The following BNC2 variants were observed in gnomAD, a reference collection of about 807,000 sequenced individuals.
BNC2 encodes the protein zinc finger protein basonuclin-2.
BNC2 carries 20 observed loss-of-function variants against 76.3 expected under a neutral mutation model. The ratio of observed to expected loss-of-function variants is 0.26; its 90% CI spans 0.18 to 0.38. The LOEUF is 0.38. BNC2 is among the 10% of genes least tolerant of loss of function. The probability of loss-of-function intolerance (pLI) is 1.00; values close to 1 mark genes in which losing one functional copy is unlikely to be tolerated. For synonymous variants in BNC2, 582 were observed against 514.8 expected (o/e 1.13, Z -1.77); for missense variants, 1,382 against 1,399.8 (o/e 0.99, Z 0.20).
rs1227254744 is a variant in BNC2, at chr9:16,410,860, T to C, written c.*8129A>G. On this transcript the variant is annotated 3_prime_UTR_variant, in exon 7 of 7. Coordinates refer to ENST00000380672, the MANE Select transcript of BNC2 (RefSeq NM_017637.6). ...AAAATACTCCAAATTGGGGACTAGA[T>C]TTAAAAAAAGAAACAGCCTTGGTGT... The C allele has an allele frequency of 6.6e-6, 1 of 152,086 alleles. No individual in the cohort carries two copies. The highest frequency in any genetic ancestry group is 6.5e-5 in the Admixed American group (1 of 15,278). The allele number at this position is 152,086 out of a possible 1,614,324, so 9.4% of individuals were successfully genotyped here. A position where few individuals can be genotyped will look rare whatever the true frequency, so the allele number is the denominator to read the frequency against.
intron 5 of BNC2, among the ~76,000 whole-genome samples, chr9:16,508,088 TGA>T (rs949183962): frequency 6.6e-6 from 1 of 152,142 alleles, no homozygotes; most frequent in Non-Finnish European, 1.5e-5. Context: ...TGAAGTCTAG[TGA>T]GAGAGATAAA....
intron 6 of BNC2, 124 bp downstream of exon 6, chr9:16,435,431 T>C (rs1820987047): frequency 1.7e-6 from 2 of 1,187,768 alleles, no homozygotes; most frequent in Non-Finnish European, 2.5e-6. Flanking sequence ...ACATGATCAC[T>C]GTGGACAATC....
intron 5 of BNC2, among the ~76,000 whole-genome samples, chr9:16,543,176 A>C (rs1818377490): frequency 6.6e-6 from 1 of 152,208 alleles, no homozygotes; most frequent in Non-Finnish European, 1.5e-5. Flanking sequence ...ATTCTACTTC[A>C]GGAATTAAAT....
chr9:16,557,762 C>G (rs779607314), intron 4 of BNC2, among the ~76,000 whole-genome samples: 1 of 152,016 alleles, frequency 6.6e-6, no homozygotes, highest in Non-Finnish European at 1.5e-5. Flanking sequence ...TGTGTCCACT[C>G]CCCTTCACTC....
intron 5 of BNC2, among the ~76,000 whole-genome samples, chr9:16,527,952 G>A (rs924018078): frequency 3.3e-5 from 5 of 152,098 alleles, no homozygotes; most frequent in South Asian, 2.1e-4. Context: ...GGTAAATTAC[G>A]GTTCTTAACA....
intron 1 of BNC2, among the ~76,000 whole-genome samples, chr9:16,763,350 G>A (rs528998548): frequency 6.3e-4 from 96 of 152,006 alleles, no homozygotes; most frequent in African/African-American, 2.1e-3. Flanking sequence ...CAGGAGTATC[G>A]CCTGAGCCCA....
intron 5 of BNC2, among the ~76,000 whole-genome samples, chr9:16,541,003 C>G (rs1051948297): frequency 6.6e-6 from 1 of 152,200 alleles, no homozygotes; most frequent in Non-Finnish European, 1.5e-5. Flanking sequence ...AAACCCTCCC[C>G]TACTCCCAGA....
At chr9:16,477,248 C>A (rs1241208956) in intron 5 of BNC2, among the ~76,000 whole-genome samples, 1 of 152,130 alleles carries the variant, frequency 6.6e-6, no homozygotes, top group Non-Finnish European at 1.5e-5. Context: ...GACAGAGCAA[C>A]ACACTGCCTT....
Position 16,715,091 on chromosome 9 carries a change from G to C in BNC2, c.330+12706C>G, listed in dbSNP as rs968936923. Among the ~76,000 whole-genome samples the C allele has an allele frequency of 2.6e-5, 4 of 152,148 alleles. No homozygotes were observed. The East Asian group carries it at 7.7e-4, about 29-fold the overall frequency. ...CAATCCCACAAAGATTCAGGGCCAA[G>C]AATCTACCGCTTTAAGGTGAGACGA... On this transcript the variant is annotated intron_variant, in intron 3 of 6. Coordinates refer to ENST00000380672, the MANE Select transcript of BNC2 (RefSeq NM_017637.6).
At chr9:16,441,421 A>G (rs1821125851) in intron 5 of BNC2, among the ~76,000 whole-genome samples, 2 of 152,258 alleles carry the variant, frequency 1.3e-5, no homozygotes, top group Admixed American at 1.3e-4. Flanking sequence ...TGCAAGCTGG[A>G]TGCTAAGAAT....
At chr9:16,425,664 G>A (rs1563777174) in intron 6 of BNC2, among the ~76,000 whole-genome samples, 1 of 151,340 alleles carries the variant, frequency 6.6e-6, no homozygotes, top group Non-Finnish European at 1.5e-5. Context: ...CCAAACAGAT[G>A]GTTTGTTTAC....
intron 5 of BNC2, among the ~76,000 whole-genome samples, chr9:16,550,424 C>T (rs1818623262): frequency 6.6e-6 from 1 of 152,144 alleles, no homozygotes. Context: ...TTTTTTATAC[C>T]TGCATTAGAG....
At chr9:16,862,028 G>C (rs546207341) in intron 1 of BNC2, among the ~76,000 whole-genome samples, 5 of 151,996 alleles carry the variant, frequency 3.3e-5, no homozygotes, top group African/African-American at 1.2e-4. Flanking sequence ...AAGTGTTGAG[G>C]AGGGTGTAGA....
intron 5 of BNC2, among the ~76,000 whole-genome samples, chr9:16,517,099 A>G (rs565605607): frequency 5.1e-4 from 77 of 152,302 alleles, no homozygotes; most frequent in African/African-American, 1.8e-3. Flanking sequence ...GACTAACAAC[A>G]TTCCCCCATA....
chr9:16,850,253 G>A (rs1819097853), intron 1 of BNC2, among the ~76,000 whole-genome samples: 1 of 152,168 alleles, frequency 6.6e-6, no homozygotes, highest in African/African-American at 2.4e-5. Flanking sequence ...AAAACATAGA[G>A]CTGGCTACAA....
intron 5 of BNC2, among the ~76,000 whole-genome samples, chr9:16,520,706 T>C (rs567338681): frequency 2.4e-4 from 36 of 152,296 alleles, no homozygotes; most frequent in African/African-American, 8.4e-4. Flanking sequence ...AGAGCTCAAG[T>C]TCACACAGTA....
chr9:16,770,045 A>T (rs1586869579), intron 1 of BNC2, among the ~76,000 whole-genome samples: 1 of 152,182 alleles, frequency 6.6e-6, no homozygotes, highest in Non-Finnish European at 1.5e-5. Context: ...ACTTGACCCA[A>T]AATGAATGTA....
At chr9:16,466,043 A>G (rs1190290975) in intron 5 of BNC2, among the ~76,000 whole-genome samples, 5 of 107,594 alleles carry the variant, frequency 4.6e-5, no homozygotes. Context: ...ACAACAGACA[A>G]ACAGAGAGCC....
chr9:16,817,974 T>G (rs1818223855), intron 1 of BNC2, among the ~76,000 whole-genome samples: 1 of 152,152 alleles, frequency 6.6e-6, no homozygotes, highest in African/African-American at 2.4e-5. Flanking sequence ...TTGTTTGTGT[T>G]GTTAGTCTAA....
Sources: allele counts gnomAD v4.1 joint callset (sites outside exome capture counted in the v4.1 genomes callset), GRCh38; gene constraint gnomAD v4.1.1; transcripts MANE v1.5; gene names NCBI Gene and HGNC (gene_info 2026-07-23, HGNC 2026-07-21).